KLHL13: variants seen among roughly 807,000 people sequenced by gnomAD.
The protein encoded by KLHL13 is kelch like family member 13, also known as kelch-like protein 13.
Under a neutral mutation model 37.1 loss-of-function variants are expected in KLHL13, and 10 were observed. That is an observed-to-expected ratio of 0.27 (90% confidence interval 0.17 to 0.46). The LOEUF (loss-of-function observed/expected upper bound fraction) is 0.46. Among genes scored for constraint, KLHL13 ranks in the 20% least tolerant of loss-of-function variants. The probability of loss-of-function intolerance (pLI) is 1.00; values close to 1 mark genes in which losing one functional copy is unlikely to be tolerated. For synonymous variants in KLHL13, 163 were observed against 181.2 expected (o/e 0.90, Z 0.81); for missense variants, 360 against 509.3 (o/e 0.71, Z 2.82).
rs142199833 is a variant in KLHL13, at chrX:118,114,258, A to G, written c.-56+2250T>C. On this transcript the variant is annotated intron_variant, in intron 1 of 6. Transcript: ENST00000371882. ...AGAAGCATAATTTGAAATGTACATA[A>G]AATGAGAAAGAAGATAATCCAATAA... is the stretch of plus-strand genomic sequence containing the variant. Among the ~76,000 whole-genome samples, 969 of 112,602 alleles carry G rather than the reference A, an allele frequency of 8.6e-3. 9 individuals are homozygous for G. Among genetic ancestry groups the G allele is most frequent in the African/African-American group, 0.029 (912 of 31,054 alleles).
At chrX:117,899,347 G>C in exon 7 of KLHL13, 1 of 1,208,448 alleles carries the variant, frequency 8.3e-7, no homozygotes, top group African/African-American at 1.7e-5. Context: ...GTCAGTATCA[G>C]GGTCAAAGCA....
In KLHL13 at chrX:117,914,013, GC is replaced by G. The variant is rs553774538; in HGVS notation, c.571-3918del. Among the ~76,000 whole-genome samples, 11 of 110,231 alleles carry G rather than the reference GC, an allele frequency of 1.0e-4. No homozygotes were observed. The South Asian group carries it at 3.9e-3, about 39-fold the overall frequency. On this transcript the variant is annotated intron_variant, in intron 4 of 6. Transcript: ENST00000262820. ...AACAACAGTCATAGTCATCCTAAAG[GC>G]ACTTCCAACATCATAATATTGCAAG...
chrX:117,908,325 T>C (rs769249129), intron 5 of KLHL13, among the ~76,000 whole-genome samples: 11 of 108,958 alleles, frequency 1.0e-4, no homozygotes, highest in African/African-American at 3.7e-4. Context: ...ACACGTGCCA[T>C]GGTGGTTTGC....
chrX:118,053,830 AGAGAGAGAGAGAGAGAGAG>A (rs1261453535), intron 1 of KLHL13, among the ~76,000 whole-genome samples: 9 of 41,885 alleles, frequency 2.1e-4, no homozygotes, highest in South Asian at 2.1e-3. Flanking sequence ...GAGAGGAGAG[AGAGAGAGAGAGAGAGAGAG>A]GAGAGAGAGA....
At chrX:118,031,470 G>A (rs2054340122) in intron 1 of KLHL13, among the ~76,000 whole-genome samples, 2 of 86,020 alleles carry the variant, frequency 2.3e-5, no homozygotes, top group South Asian at 9.3e-4. Flanking sequence ...TATATATTTA[G>A]ATATATATAT....
chrX:118,063,166 T>C (rs992262389), intron 1 of KLHL13, among the ~76,000 whole-genome samples: 5 of 111,433 alleles, frequency 4.5e-5, no homozygotes, highest in African/African-American at 6.5e-5. Flanking sequence ...ATTTCACTAA[T>C]AGGTCAATTA....
intron 1 of KLHL13, among the ~76,000 whole-genome samples, chrX:118,028,973 G>T (rs2054305185): frequency 8.9e-6 from 1 of 111,763 alleles, no homozygotes. Context: ...GTGTATCCAT[G>T]CTATATATGC....
intron 1 of KLHL13, among the ~76,000 whole-genome samples, chrX:118,008,885 G>C (rs1007325999): frequency 6.3e-5 from 7 of 111,510 alleles, no homozygotes; most frequent in Non-Finnish European, 1.1e-4. Context: ...ACTTCATAAA[G>C]TTATTATGAG....
At chrX:117,936,467 AC>A (rs1243379210) in intron 2 of KLHL13, among the ~76,000 whole-genome samples, 1 of 112,094 alleles carries the variant, frequency 8.9e-6, no homozygotes, top group South Asian at 3.7e-4. Context: ...TATTCGGTAT[AC>A]CCATAACTTC....
intron 1 of KLHL13, among the ~76,000 whole-genome samples, chrX:118,093,478 A>C (rs576923744): frequency 1.8e-5 from 2 of 111,930 alleles, no homozygotes; most frequent in East Asian, 5.6e-4. Context: ...CACAGTCTTA[A>C]TTAAAACTAT....
chrX:118,053,798 TGA>T (rs1183708508), intron 1 of KLHL13, among the ~76,000 whole-genome samples: 272 of 25,463 alleles, frequency 0.011, 10 homozygotes, highest in African/African-American at 0.044. Flanking sequence ...TGTGTGTGTG[TGA>T]GAGAGAGAGA....
chrX:118,040,221 G>T (rs189347154), intron 1 of KLHL13, among the ~76,000 whole-genome samples: 131 of 111,587 alleles, frequency 1.2e-3, no homozygotes, highest in African/African-American at 3.8e-3. Flanking sequence ...ATCTACAAAC[G>T]TTGAGACCAC....
At chrX:117,905,396 T>C (rs1238423527) in intron 5 of KLHL13, among the ~76,000 whole-genome samples, 1 of 111,563 alleles carries the variant, frequency 9.0e-6, no homozygotes, top group Non-Finnish European at 1.9e-5. Context: ...AAGTGACAGC[T>C]ACTCTAAGCC....
At chrX:117,985,128 C>T in intron 1 of KLHL13, 1 of 479,624 alleles carries the variant, frequency 2.1e-6, no homozygotes, top group Non-Finnish European at 3.3e-6. Flanking sequence ...TTCTACAATA[C>T]ATCTAAAATT....
chrX:117,957,257 C>T (rs143974229), intron 1 of KLHL13, among the ~76,000 whole-genome samples: 9,317 of 111,409 alleles, frequency 0.084, 343 homozygotes, highest in Middle Eastern at 0.14. Flanking sequence ...GGTCTTTATA[C>T]ATACTGTGAT....
In KLHL13 at chrX:117,959,388, G is replaced by C. The variant is rs142005165; in HGVS notation, c.98+13343C>G. On this transcript the variant is annotated intron_variant, in intron 1 of 6. Transcript: ENST00000262820. ...AAAATTGTATTTCAAATATTTTGTA[G>C]GTCCACCCAAACTAAAGCTAGATCA... is the stretch of plus-strand genomic sequence containing the variant. Among the ~76,000 whole-genome samples, 446 of 111,810 alleles carry C rather than the reference G, an allele frequency of 4.0e-3. 11 individuals carry two copies. The East Asian group carries it at 0.092, about 23-fold the overall frequency.
intron 1 of KLHL13, among the ~76,000 whole-genome samples, chrX:117,998,464 T>TA (rs1249688357): frequency 9.1e-6 from 1 of 110,024 alleles, no homozygotes; most frequent in East Asian, 2.8e-4. Context: ...TGGCTAGTAA[T>TA]AAGTAAAGAG....
chrX:117,970,500 T>C (rs775510443), intron 1 of KLHL13, among the ~76,000 whole-genome samples: 64 of 111,798 alleles, frequency 5.7e-4, no homozygotes, highest in African/African-American at 1.9e-3. Flanking sequence ...AGCCAAACAA[T>C]TGTGAGAACA....
chrX:117,907,798 G>GA (rs964988617), intron 5 of KLHL13, among the ~76,000 whole-genome samples: 44 of 108,828 alleles, frequency 4.0e-4, no homozygotes, highest in Middle Eastern at 4.7e-3. Context: ...TAACAACAAA[G>GA]AAAAAAAAAC....
Sources: allele counts gnomAD v4.1 joint callset (sites outside exome capture counted in the v4.1 genomes callset), GRCh38; gene constraint gnomAD v4.1.1; transcripts MANE v1.5; gene names NCBI Gene and HGNC (gene_info 2026-07-23, HGNC 2026-07-21).